The following PRDM16 variants were observed in gnomAD, a reference collection of about 807,000 sequenced individuals.
The protein encoded by PRDM16 is histone-lysine N-methyltransferase PRDM16.
PRDM16 carries 23 observed loss-of-function variants against 110.6 expected under a neutral mutation model. That is an observed-to-expected ratio of 0.21 (90% CI 0.15 to 0.29). The LOEUF (loss-of-function observed/expected upper bound fraction) is 0.29, where lower values mean the gene tolerates loss of function less well. PRDM16 is among the 10% of genes least tolerant of loss of function. The pLI is 1.00. For missense variants in PRDM16, 1,615 were observed against 1,794.3 expected, an observed-to-expected ratio of 0.90 and a Z score of 1.81; for synonymous variants, 799 against 781.8, an observed-to-expected ratio of 1.02 and a Z score of -0.37.
At chr1:3,248,548 C>G (rs1460562317) in intron 3 of PRDM16, among the ~76,000 whole-genome samples, 2 of 152,204 alleles carry the variant, frequency 1.3e-5, no homozygotes, top group African/African-American at 2.4e-5. Context: ...CCACCCCAGC[C>G]AGCCCCTAGG....
intron 3 of PRDM16, among the ~76,000 whole-genome samples, chr1:3,285,150 G>T (rs1640817014): frequency 6.6e-6 from 1 of 152,178 alleles, no homozygotes; most frequent in Non-Finnish European, 1.5e-5. Context: ...CCTTGGTGAG[G>T]TTTTCAGAGC....
At chr1:3,264,341 G>A (rs545222319) in intron 3 of PRDM16, among the ~76,000 whole-genome samples, 3 of 151,238 alleles carry the variant, frequency 2.0e-5, no homozygotes, top group Admixed American at 1.3e-4. Flanking sequence ...AAGGGAGGCA[G>A]GGGAGGGGTG....
At chr1:3,393,844 AC>A (rs1405547118) in intron 4 of PRDM16, among the ~76,000 whole-genome samples, 2 of 151,048 alleles carry the variant, frequency 1.3e-5, no homozygotes, top group Non-Finnish European at 3.0e-5. Context: ...CAGGTCGGGG[AC>A]CCCCGCCCCC....
chr1:3,385,854 C>G (rs529196629), intron 4 of PRDM16, among the ~76,000 whole-genome samples: 8 of 152,318 alleles, frequency 5.3e-5, no homozygotes, highest in African/African-American at 1.9e-4. Flanking sequence ...ACCTTCACTT[C>G]CGTCCCTGCC....
intron 3 of PRDM16, among the ~76,000 whole-genome samples, chr1:3,377,873 T>G (rs1252888536): frequency 1.3e-5 from 2 of 152,150 alleles, no homozygotes; most frequent in Non-Finnish European, 2.9e-5. Flanking sequence ...CATGCATCTG[T>G]TCGTTCGTCT....
chr1:3,272,449 GC>G (rs1235861428), intron 3 of PRDM16, among the ~76,000 whole-genome samples: 3 of 152,162 alleles, frequency 2.0e-5, no homozygotes, highest in Admixed American at 1.3e-4. Flanking sequence ...TCTGTCCTGG[GC>G]ACGGCGGCTA....
At chr1:3,130,274 G>A (rs1643306068) in intron 1 of PRDM16, among the ~76,000 whole-genome samples, 1 of 152,230 alleles carries the variant, frequency 6.6e-6, no homozygotes, top group Non-Finnish European at 1.5e-5. Context: ...GATGTGGACC[G>A]TGGGGTTCTG....
chr1:3,376,065 G>A (rs1053957322), intron 3 of PRDM16, among the ~76,000 whole-genome samples: 2 of 152,140 alleles, frequency 1.3e-5, no homozygotes, highest in Non-Finnish European at 2.9e-5. Flanking sequence ...TGCACCCCAG[G>A]AGCGCCACAG....
At chr1:3,215,325 C>T (rs999921280) in intron 2 of PRDM16, among the ~76,000 whole-genome samples, 1 of 152,218 alleles carries the variant, frequency 6.6e-6, no homozygotes, top group Non-Finnish European at 1.5e-5. Context: ...ACAGCCATGT[C>T]GTGGAAGTGC....
intron 1 of PRDM16, among the ~76,000 whole-genome samples, chr1:3,184,869 G>T (rs1644250275): frequency 6.6e-6 from 1 of 151,966 alleles, no homozygotes; most frequent in South Asian, 2.1e-4. Context: ...GGCTGCGCGT[G>T]CCAGGGCCGC....
intron 3 of PRDM16, among the ~76,000 whole-genome samples, chr1:3,248,680 G>A (rs1214665567): frequency 1.3e-5 from 2 of 152,186 alleles, no homozygotes; most frequent in South Asian, 2.1e-4. Flanking sequence ...TTATTATTAC[G>A]TACAAAATGC....
rs186821204 is a variant in PRDM16 at position 3,413,914 on chromosome 1, A to G, written c.2604-646A>G. Among the ~76,000 whole-genome samples, 185 of 152,296 alleles carry G rather than the reference A, an allele frequency of 1.2e-3. 1 individual carries two copies. The highest frequency in any genetic ancestry group is 3.8e-3 in the African/African-American group (156 of 41,578). ...GGAAGGTTCTGGAACTGTAATCTCCAGCAGCCCTGGAGGGTGTTTAGACAG... is the reference window on the plus strand; with the variant it reads ...GGAAGGTTCTGGAACTGTAATCTCCGGCAGCCCTGGAGGGTGTTTAGACAG... On this transcript the variant is annotated intron_variant, in intron 9 of 16. Coordinates refer to ENST00000270722, the MANE Select transcript of PRDM16 (RefSeq NM_022114.4).
At chr1:3,321,431 TG>T in intron 3 of PRDM16, among the ~76,000 whole-genome samples, 1 of 151,896 alleles carries the variant, frequency 6.6e-6, no homozygotes, top group East Asian at 1.9e-4. Flanking sequence ...TGTGTGTGGG[TG>T]CACATGTGTT....
At chr1:3,371,162 C>CCA (rs1642898578) in intron 3 of PRDM16, among the ~76,000 whole-genome samples, 4 of 151,360 alleles carry the variant, frequency 2.6e-5, no homozygotes, top group Admixed American at 2.6e-4. Context: ...GTCCATCCAC[C>CCA]CACCGATCCA....
chr1:3,417,757 C>G (rs1638309207), intron 10 of PRDM16, 71 bp from the exon 11 acceptor site: 1 of 1,312,280 alleles, frequency 7.6e-7, no homozygotes, highest in Non-Finnish European at 1.1e-6. Flanking sequence ...TACAGAACCC[C>G]CAGCAGTGCG....
intron 2 of PRDM16, among the ~76,000 whole-genome samples, chr1:3,229,760 G>A (rs1191644873): frequency 6.6e-6 from 1 of 152,170 alleles, no homozygotes; most frequent in Non-Finnish European, 1.5e-5. Flanking sequence ...AGGCGAGCAG[G>A]TGTGTCTGTT....
chr1:3,423,671 G>A (rs17400178), intron 12 of PRDM16, among the ~76,000 whole-genome samples: 5 of 152,136 alleles, frequency 3.3e-5, no homozygotes, highest in Admixed American at 6.5e-5. Flanking sequence ...CTGTGGGAAC[G>A]AAGGCCACTG....
At chr1:3,419,398 T>G (rs999321214) in intron 12 of PRDM16, among the ~76,000 whole-genome samples, 1 of 152,152 alleles carries the variant, frequency 6.6e-6, no homozygotes, top group Admixed American at 6.5e-5. Flanking sequence ...GCATTGAATT[T>G]GGGGCTCACA....
intron 2 of PRDM16, among the ~76,000 whole-genome samples, chr1:3,236,943 CCTT>C (rs2100898692): frequency 6.6e-6 from 1 of 152,314 alleles, no homozygotes; most frequent in African/African-American, 2.4e-5. Flanking sequence ...TGGGCAGCCT[CCTT>C]CTCTGTGTGA....
Sources: gnomAD v4.1 joint callset for allele counts (sites outside exome capture counted in the v4.1 genomes callset) on GRCh38, gnomAD v4.1.1 for gene constraint, MANE v1.5 for transcripts, NCBI Gene and HGNC (gene_info 2026-07-23, HGNC 2026-07-21) for gene names.